Variants in SUPT3H observed in about 807,000 individuals in gnomAD.
SUPT3H encodes transcription initiation protein SPT3 homolog.
A neutral mutation model predicts 44.3 loss-of-function variants in SUPT3H; 44 were observed. That is an observed-to-expected ratio of 0.99 (90% confidence interval 0.78 to 1.28). The LOEUF (loss-of-function observed/expected upper bound fraction) is 1.28, where lower values mean the gene tolerates loss of function less well. SUPT3H is among the 50% of genes most tolerant of loss of function. The pLI, the probability that SUPT3H is intolerant of heterozygous loss-of-function variation, is 0.00. For missense variants in SUPT3H, 380 were observed against 387.1 expected, an observed-to-expected ratio of 0.98 and a Z score of 0.15; for synonymous variants, 124 against 125.6, an observed-to-expected ratio of 0.99 and a Z score of 0.09.
At chr6:45,077,364 T>C (rs564888016) in intron 3 of SUPT3H, among the ~76,000 whole-genome samples, 226 of 152,202 alleles carry the variant, frequency 1.5e-3, no homozygotes, top group African/African-American at 5.2e-3. Flanking sequence ...TGGTGGCTCA[T>C]GCCTATAATC....
intron 11 of SUPT3H, among the ~76,000 whole-genome samples, chr6:44,816,368 C>T (rs796562342): frequency 2.0e-5 from 3 of 152,144 alleles, no homozygotes; most frequent in African/African-American, 7.2e-5. Flanking sequence ...CTTTTGTTAA[C>T]TTAGATAAGG....
rs531203596 is a variant in SUPT3H, at chr6:45,124,476, CTCT to C, written c.102-18473_102-18471del. ...CTGGCCAATATGGTGAAACCCCCCC[CTCT>C]ACTAAAAATACAAAAATTAGCTGGG... On this transcript the variant is annotated intron_variant, in intron 2 of 10. Coordinates refer to ENST00000371459, the MANE Select transcript of SUPT3H (RefSeq NM_003599.4). Among the ~76,000 whole-genome samples, 324 of 151,728 alleles carry C rather than the reference CTCT, an allele frequency of 2.1e-3. 1 individual carries two copies. The highest frequency in any genetic ancestry group is 7.5e-3 in the African/African-American group (310 of 41,376).
intron 10 of SUPT3H, among the ~76,000 whole-genome samples, chr6:44,922,442 G>T (rs2153457335): frequency 6.6e-6 from 1 of 152,272 alleles, no homozygotes; most frequent in Admixed American, 6.5e-5. Context: ...GATTACATTT[G>T]TTGACTAAAG....
At chr6:45,086,930 A>G (rs1239237441) in intron 3 of SUPT3H, among the ~76,000 whole-genome samples, 1 of 151,990 alleles carries the variant, frequency 6.6e-6, no homozygotes, top group African/African-American at 2.4e-5. Context: ...GTTTCCAATC[A>G]GGTGTATAAC....
At chr6:44,966,746 AT>A (rs1336654850) in intron 6 of SUPT3H, among the ~76,000 whole-genome samples, 1 of 152,230 alleles carries the variant, frequency 6.6e-6, no homozygotes, top group Non-Finnish European at 1.5e-5. Flanking sequence ...TACTTTGGCT[AT>A]TCCGTATAGT....
At chr6:45,053,227 T>G (rs1484554914) in intron 3 of SUPT3H, among the ~76,000 whole-genome samples, 2 of 150,972 alleles carry the variant, frequency 1.3e-5, no homozygotes, top group Non-Finnish European at 1.5e-5. Context: ...CTTTTTTTTT[T>G]TGTGGTATAG....
intron 10 of SUPT3H, among the ~76,000 whole-genome samples, chr6:44,928,882 C>CAAAATAAATAAAAAAAA (rs1491206167): frequency 9.7e-5 from 2 of 20,642 alleles, no homozygotes; most frequent in African/African-American, 6.3e-4. Flanking sequence ...GACTCCGTCT[C>CAAAATAAATAAAAAAAA]AAAAAAAAAA....
intron 3 of SUPT3H, among the ~76,000 whole-genome samples, chr6:45,048,364 C>T (rs1433631485): frequency 6.6e-6 from 1 of 151,888 alleles, no homozygotes; most frequent in Non-Finnish European, 1.5e-5. Flanking sequence ...AGCTTTCCTC[C>T]TGTGTTTTCT....
intron 2 of SUPT3H, among the ~76,000 whole-genome samples, chr6:45,137,108 G>T (rs1479799416): frequency 2.0e-5 from 3 of 152,032 alleles, no homozygotes; most frequent in African/African-American, 7.2e-5. Flanking sequence ...TGTTAGAAGG[G>T]CTAAAAGAAA....
At chr6:45,144,635 T>C (rs1805742568) in intron 2 of SUPT3H, among the ~76,000 whole-genome samples, 1 of 151,974 alleles carries the variant, frequency 6.6e-6, no homozygotes, top group Non-Finnish European at 1.5e-5. Flanking sequence ...GTCAACATAG[T>C]GCTGGAAGTC....
chr6:45,207,097 G>A (rs570951070), intron 2 of SUPT3H, among the ~76,000 whole-genome samples: 1 of 152,124 alleles, frequency 6.6e-6, no homozygotes, highest in Non-Finnish European at 1.5e-5. Flanking sequence ...ACAATCCATT[G>A]TTCAGAGATC....
In SUPT3H at chr6:44,947,367, AAATC is replaced by A. The variant is rs543527751; in HGVS notation, c.801+5939_801+5942del. 1.6e-3 allele frequency among the ~76,000 whole-genome samples: 249 copies of A among 152,308 alleles called. 2 individuals carry two copies. Among genetic ancestry groups the A allele is most frequent in the Non-Finnish European group, 3.4e-4 (23 of 68,026 alleles). The stretch of plus-strand genomic sequence containing the variant: ...CAGCAATCACATGGCTGGAATGGCT[AAATC>A]AATCACATAAACAGACTTCATATGT... On this transcript the variant is annotated intron_variant, in intron 9 of 10. Coordinates refer to ENST00000371459, the MANE Select transcript of SUPT3H (RefSeq NM_003599.4).
In SUPT3H at chr6:45,241,992, TAAG is replaced by T; in HGVS notation, c.101+123206_101+123208del. The stretch of plus-strand genomic sequence containing the variant: ...ACTCTATCCAATAAAACATGATTAA[TAAG>T]AAACCAATCAATTACATTATTCCAA... On this transcript the variant is annotated intron_variant, in intron 2 of 10. Transcript: ENST00000371459. Among the ~76,000 whole-genome samples, 3 of 152,326 alleles carry T rather than the reference TAAG, an allele frequency of 2.0e-5. No individual in the cohort carries two copies. The Middle Eastern group carries it at 0.01, about 518-fold the overall frequency.
chr6:45,310,276 A>G (rs1350535993), intron 2 of SUPT3H, among the ~76,000 whole-genome samples: 1 of 152,070 alleles, frequency 6.6e-6, no homozygotes, highest in Non-Finnish European at 1.5e-5. Flanking sequence ...CCACAGCAAG[A>G]CGGCCCAAGT....
At chr6:45,023,966 C>T (rs1457171301) in intron 3 of SUPT3H, among the ~76,000 whole-genome samples, 2 of 152,074 alleles carry the variant, frequency 1.3e-5, no homozygotes, top group African/African-American at 4.8e-5. Flanking sequence ...CAGTCCAATT[C>T]CACAGGCATT....
At chr6:45,046,886 G>C (rs1789483233) in intron 3 of SUPT3H, among the ~76,000 whole-genome samples, 1 of 152,002 alleles carries the variant, frequency 6.6e-6, no homozygotes, top group African/African-American at 2.4e-5. Flanking sequence ...TATAGTTAAG[G>C]CTTCTTAAAC....
At chr6:44,846,910 G>T (rs142253501) in intron 10 of SUPT3H, among the ~76,000 whole-genome samples, 4 of 152,296 alleles carry the variant, frequency 2.6e-5, no homozygotes, top group Non-Finnish European at 5.9e-5. Context: ...GATTACAGGC[G>T]TGAGGCACTG....
intron 2 of SUPT3H, among the ~76,000 whole-genome samples, chr6:45,364,990 C>T (rs1581932129): frequency 6.6e-6 from 1 of 152,272 alleles, no homozygotes; most frequent in African/African-American, 2.4e-5. Context: ...TGAACTAATA[C>T]TCATTTTTCA....
At chr6:45,308,155 G>T (rs1443227441) in intron 2 of SUPT3H, among the ~76,000 whole-genome samples, 2 of 152,172 alleles carry the variant, frequency 1.3e-5, no homozygotes, top group African/African-American at 4.8e-5. Flanking sequence ...GAAAGTGACA[G>T]GGAGAATGGA....
Sources: allele counts gnomAD v4.1 joint callset (sites outside exome capture counted in the v4.1 genomes callset), GRCh38; gene constraint gnomAD v4.1.1; transcripts MANE v1.5; gene names NCBI Gene and HGNC (gene_info 2026-07-23, HGNC 2026-07-21).